PLEKHA8: variants seen among roughly 807,000 people sequenced by gnomAD.
The protein encoded by PLEKHA8 is pleckstrin homology domain containing A8.
A neutral mutation model predicts 68.2 loss-of-function variants in PLEKHA8; 36 were observed. The ratio of observed to expected loss-of-function variants is 0.53; its 90% CI spans 0.40 to 0.70. The LOEUF is 0.70. Ranked by LOEUF, PLEKHA8 falls within the 30% of genes least tolerant of loss-of-function variation. The pLI is 0.00. For missense variants in PLEKHA8, 505 were observed against 615.4 expected, an observed-to-expected ratio of 0.82 and a Z score of 1.90; for synonymous variants, 211 against 216.1, an observed-to-expected ratio of 0.98 and a Z score of 0.20.
chr7:30,029,156 G>A (rs889626116), intron 1 of PLEKHA8, among the ~76,000 whole-genome samples: 3 of 152,236 alleles, frequency 2.0e-5, no homozygotes, highest in African/African-American at 7.2e-5. Flanking sequence ...TTTGGCGAAG[G>A]AACCGTACTC....
intron 13 of PLEKHA8, among the ~76,000 whole-genome samples, chr7:30,128,134 T>C (rs1168501111): frequency 6.7e-6 from 1 of 150,156 alleles, no homozygotes; most frequent in East Asian, 2.0e-4. Context: ...TGAGACAAGG[T>C]CTTGCTCTGT....
rs1357246895 is a variant in PLEKHA8, at chr7:30,061,945, C to T, written c.1147C>T (p.Gln383Ter). Residue 383 changes from glutamine to a stop codon, truncating the protein, a stop_gained, in exon 11 of 14, where the codon CAG becomes TAG. Coordinates refer to ENST00000449726, the MANE Select transcript of PLEKHA8 (RefSeq NM_001197026.2). LOFTEE classifies it high-confidence loss of function. Reference protein sequence around the residue: ...ITNKEEFTTLQKIVLHEVEAD... With the variant: ...ITNKEEFTTL ...CAACAAAGAAGAGTTTACCACTCTC[C>T]AGAAGATAGTGCTGCACGAAGTGGA... 6.2e-7 allele frequency: 1 copy of T among 1,614,046 alleles called. No homozygotes were observed.
At position 30,078,687 on chromosome 7, in the gene PLEKHA8, A is replaced by G. The variant is rs1416571862; in HGVS notation, c.1460A>G (p.Gln487Arg). 1.9e-6 allele frequency: 3 copies of G among 1,613,884 alleles called. No individual in the cohort carries two copies. Among genetic ancestry groups the G allele is most frequent in the East Asian group, 2.2e-5 (1 of 44,872 alleles). The change falls in exon 14 of 14, where the codon CAG (glutamine) becomes CGG (arginine). Residue 487 changes from glutamine (Q) to arginine (R), a missense_variant. Gln to Arg is a conservative substitution (Grantham distance 43, BLOSUM62 1). Coordinates refer to ENST00000449726, the MANE Select transcript of PLEKHA8 (RefSeq NM_001197026.2). ...HQKEAFSIGM[Q>R]RDLSLYLPAM... ...AAAGAAGCTTTCAGTATTGGGATGCAGAGGGACCTCAGCCTTTACCTCCCT... is the reference window on the plus strand; with the variant it reads ...AAAGAAGCTTTCAGTATTGGGATGCGGAGGGACCTCAGCCTTTACCTCCCT...
intron 13 of PLEKHA8, among the ~76,000 whole-genome samples, chr7:30,102,893 C>T (rs914822478): frequency 2.6e-5 from 4 of 152,200 alleles, no homozygotes; most frequent in Non-Finnish European, 5.9e-5. Flanking sequence ...AAAACAAAAG[C>T]CCTTCCCTAC....
chr7:30,115,468 A>G (rs1203231561), intron 13 of PLEKHA8, among the ~76,000 whole-genome samples: 1 of 152,024 alleles, frequency 6.6e-6, no homozygotes, highest in Admixed American at 6.6e-5. Context: ...GCATATGTAT[A>G]CACACATGTA....
intron 9 of PLEKHA8, among the ~76,000 whole-genome samples, chr7:30,059,493 A>G (rs1449769702): frequency 1.3e-5 from 2 of 151,970 alleles, no homozygotes; most frequent in South Asian, 4.1e-4. Context: ...ATTTGTTTCT[A>G]TCATCTTGCT....
rs532276050 is a variant in PLEKHA8, at chr7:30,070,396, C to T, written c.1301-3675C>T. Among the ~76,000 whole-genome samples, 5 of 152,258 alleles carry T rather than the reference C, an allele frequency of 3.3e-5. No homozygotes were observed. In the South Asian group the frequency reaches 1.0e-3, roughly 32 times the overall value. ...AGCCAGACTCCCCATGCTGTTTGGA[C>T]TCACAGCACCTTTGTCTTCCTTGTC... On this transcript the variant is annotated intron_variant, in intron 12 of 13. Transcript: ENST00000449726.
At chr7:30,125,022 A>C (rs1583493870) in intron 13 of PLEKHA8, among the ~76,000 whole-genome samples, 1 of 152,166 alleles carries the variant, frequency 6.6e-6, no homozygotes, top group Non-Finnish European at 1.5e-5. Flanking sequence ...AATACATGGA[A>C]CATAAAATTT....
intron 13 of PLEKHA8, among the ~76,000 whole-genome samples, chr7:30,108,573 T>C: frequency 6.6e-6 from 1 of 152,166 alleles, no homozygotes; most frequent in East Asian, 1.9e-4. Context: ...ACCCAAAAAA[T>C]GTATTTCTTC....
intron 13 of PLEKHA8, 114 bp downstream of exon 13, chr7:30,074,246 T>TTGTGTGTGTGTGTGTGTGTGTGTG (rs149548208): frequency 4.7e-5 from 23 of 488,524 alleles, no homozygotes; most frequent in African/African-American, 2.6e-4. Flanking sequence ...AGAAACAAAG[T>TTGTGTGTGTGTGTGTGTGTGTGTG]TGTGTGTGTG....
At position 30,083,839 on chromosome 7, in the gene PLEKHA8, C is replaced by T. The variant is rs757984087; in HGVS notation, c.*5052C>T. The stretch of plus-strand genomic sequence containing the variant: ...CCTCCCTGTACCTTACAAACAGAAA[C>T]CACCCTGGGATGGTTGATACCCCTT... On this transcript the variant is annotated 3_prime_UTR_variant, in exon 14 of 14. Coordinates refer to ENST00000449726, the MANE Select transcript of PLEKHA8 (RefSeq NM_001197026.2). 32 of 985,230 alleles carry T rather than the reference C, an allele frequency of 3.2e-5. No individual in the cohort carries two copies. The highest frequency in any genetic ancestry group is 3.9e-5 in the Non-Finnish European group (32 of 829,916). The allele number at this position is 985,230 out of a possible 1,614,324, so 61.0% of individuals were successfully genotyped here.
exon 14 of PLEKHA8, chr7:30,129,400 A>G (rs1483528568): frequency 8.0e-6 from 12 of 1,492,480 alleles, no homozygotes; most frequent in South Asian, 2.3e-5. Context: ...GAAGCAGCCA[A>G]TTCCGTCCTG....
downstream of PLEKHA8, among the ~76,000 whole-genome samples, chr7:30,095,539 T>A (rs1795579086): frequency 6.6e-6 from 1 of 152,248 alleles, no homozygotes; most frequent in African/African-American, 2.4e-5. Context: ...TTAGATCCCA[T>A]TTGTCAATTT....
At chr7:30,115,719 T>G (rs1357907739) in intron 13 of PLEKHA8, 1 of 112,352 alleles carries the variant, frequency 8.9e-6, no homozygotes, top group Non-Finnish European at 2.0e-5. Flanking sequence ...CATACGCGCA[T>G]GCATGCATAC....
chr7:30,106,852 G>T (rs1796077354), intron 13 of PLEKHA8, among the ~76,000 whole-genome samples: 1 of 152,170 alleles, frequency 6.6e-6, no homozygotes. Flanking sequence ...AAATGTACGG[G>T]AGGATGCGCA....
rs1794791857 is a variant in PLEKHA8 at position 30,079,099 on chromosome 7, T to C, written c.*312T>C. The stretch of plus-strand genomic sequence containing the variant: ...CTGTTATTGTGTATTGTATTGTTTT[T>C]ATATTTTAGTCTAATGGGCCACCCA... On this transcript the variant is annotated 3_prime_UTR_variant, in exon 14 of 14. Coordinates refer to ENST00000449726, the MANE Select transcript of PLEKHA8 (RefSeq NM_001197026.2). 5 of 1,062,892 alleles carry C rather than the reference T, an allele frequency of 4.7e-6. No individual in the cohort carries two copies. The Admixed American group carries it at 1.5e-4, about 31-fold the overall frequency. 65.8% of individuals were successfully genotyped at this position (1,062,892 alleles called of 1,614,324 possible). A position where few individuals can be genotyped will look rare whatever the true frequency, so the allele number is the denominator to read the frequency against.
At chr7:30,062,161 T>A (rs1793494598) in intron 11 of PLEKHA8, 134 bp downstream of exon 11, 7 of 1,031,422 alleles carry the variant, frequency 6.8e-6, no homozygotes, top group Non-Finnish European at 9.6e-6. Context: ...CTAGAAGGCC[T>A]AATGAATAAT....
chr7:30,115,611 T>C (rs1183217189), intron 13 of PLEKHA8, among the ~76,000 whole-genome samples: 3 of 151,674 alleles, frequency 2.0e-5, no homozygotes, highest in African/African-American at 7.3e-5. Flanking sequence ...CATACATTTA[T>C]ACATGCACAC....
At chr7:30,111,283 A>G (rs1796266427) in intron 13 of PLEKHA8, among the ~76,000 whole-genome samples, 1 of 152,150 alleles carries the variant, frequency 6.6e-6, no homozygotes, top group South Asian at 2.1e-4. Context: ...ATATTTTCAA[A>G]TATTTGAAAA....
Sources: gnomAD v4.1 joint callset for allele counts (sites outside exome capture counted in the v4.1 genomes callset) on GRCh38, gnomAD v4.1.1 for gene constraint, MANE v1.5 for transcripts, NCBI Gene and HGNC (gene_info 2026-07-23, HGNC 2026-07-21) for gene names.